Variants in PDE1C observed in about 807,000 individuals in gnomAD.
PDE1C encodes phosphodiesterase 1C.
PDE1C carries 62 observed loss-of-function variants against 93.1 expected under a neutral mutation model. The observed-to-expected ratio is 0.67, with a 90% CI of 0.54 to 0.82. The LOEUF is 0.82. PDE1C is among the 40% of genes least tolerant of loss of function. PDE1C has a pLI of 0.00. For missense variants in PDE1C, 742 were observed against 884.6 expected, an observed-to-expected ratio of 0.84 and a Z score of 2.04; for synonymous variants, 325 against 310.1, an observed-to-expected ratio of 1.05 and a Z score of -0.50.
chr7:32,310,816 G>C (rs1783010807), intron 1 of PDE1C, among the ~76,000 whole-genome samples: 1 of 151,932 alleles, frequency 6.6e-6, no homozygotes, highest in African/African-American at 2.4e-5. Flanking sequence ...ATCCAAAATT[G>C]ACACCCTAAC....
intron 11 of PDE1C, among the ~76,000 whole-genome samples, chr7:31,828,807 A>C (rs1790020506): frequency 6.6e-6 from 1 of 152,186 alleles, no homozygotes; most frequent in Non-Finnish European, 1.5e-5. Flanking sequence ...GGACTGATTC[A>C]GACTGATTCT....
At chr7:32,184,716 T>G (rs1437032137) in intron 2 of PDE1C, among the ~76,000 whole-genome samples, 1 of 152,170 alleles carries the variant, frequency 6.6e-6, no homozygotes, top group Non-Finnish European at 1.5e-5. Context: ...AGTTAATGGG[T>G]GCAGCACACC....
intron 1 of PDE1C, among the ~76,000 whole-genome samples, chr7:32,338,812 G>A (rs1443604906): frequency 6.6e-6 from 1 of 152,062 alleles, no homozygotes; most frequent in Non-Finnish European, 1.5e-5. Context: ...GACCATCCTG[G>A]CTAACACGGT....
the PDE1C span, among the ~76,000 whole-genome samples, chr7:31,680,805 C>T: frequency 2.0e-5 from 3 of 152,054 alleles, no homozygotes; most frequent in Admixed American, 6.6e-5. Context: ...ATAGGGCAAA[C>T]CCTAGAAGTC....
In PDE1C at chr7:32,313,305, G is replaced by A. The variant is rs187317183; in HGVS notation, c.311-103766C>T. Among the ~76,000 whole-genome samples the A allele has an allele frequency of 1.0e-3, 155 of 150,374 alleles. 3 individuals carry two copies. Among genetic ancestry groups the A allele is most frequent in the Non-Finnish European group, 4.5e-4 (30 of 67,358 alleles). Reference sequence around the variant, plus strand: ...ATAGGAACACTTTTACACTGTTGGTGGGACTGTAAACTAGTTCAACCATGT... The same window carrying A: ...ATAGGAACACTTTTACACTGTTGGTAGGACTGTAAACTAGTTCAACCATGT... On this transcript the variant is annotated intron_variant, in intron 1 of 1. Coordinates refer to the PDE1C transcript ENST00000672256.
intron 1 of PDE1C, among the ~76,000 whole-genome samples, chr7:32,335,028 TC>T (rs1783589976): frequency 6.6e-6 from 1 of 152,204 alleles, no homozygotes. Context: ...CACTGTTCTC[TC>T]CCGGCCACTT....
chr7:31,658,395 G>C, the PDE1C span: 1 of 1,489,154 alleles, frequency 6.7e-7, no homozygotes. Flanking sequence ...TGTTGTAATT[G>C]TTTTTCTTTG....
At chr7:32,132,237 G>A (rs62456262) in intron 3 of PDE1C, among the ~76,000 whole-genome samples, 30,694 of 152,046 alleles carry the variant, frequency 0.2, 3,752 homozygotes, top group Middle Eastern at 0.3. Context: ...AGCAGCAAAC[G>A]GGATCCAGGT....
At chr7:31,815,296 G>A (rs1286934608) in intron 15 of PDE1C, among the ~76,000 whole-genome samples, 1 of 152,018 alleles carries the variant, frequency 6.6e-6, no homozygotes, top group Non-Finnish European at 1.5e-5. Context: ...TAAATCCCTA[G>A]TGCTAAGCAT....
chr7:32,189,131 C>A (rs1346349597), intron 2 of PDE1C, among the ~76,000 whole-genome samples: 1 of 151,980 alleles, frequency 6.6e-6, no homozygotes, highest in South Asian at 2.1e-4. Context: ...TATAGTGAGA[C>A]CATCAATTCC....
At chr7:32,217,936 A>G (rs1460321281) in intron 1 of PDE1C, among the ~76,000 whole-genome samples, 1 of 152,230 alleles carries the variant, frequency 6.6e-6, no homozygotes. Flanking sequence ...TAAAATGCAC[A>G]TTAATTGCCT....
chr7:31,770,005 C>A (rs919893775), intron 17 of PDE1C, among the ~76,000 whole-genome samples: 3 of 152,170 alleles, frequency 2.0e-5, no homozygotes, highest in African/African-American at 7.2e-5. Flanking sequence ...AGTGGCTGCA[C>A]CATTTTACAT....
intron 1 of PDE1C, among the ~76,000 whole-genome samples, chr7:32,262,237 CTT>C (rs1449071959): frequency 6.6e-6 from 1 of 152,108 alleles, no homozygotes; most frequent in Non-Finnish European, 1.5e-5. Flanking sequence ...CCCACCTCCA[CTT>C]TATACCCAAT....
intron 1 of PDE1C, among the ~76,000 whole-genome samples, chr7:32,338,012 C>T (rs1045666424): frequency 1.3e-5 from 2 of 152,122 alleles, no homozygotes; most frequent in Non-Finnish European, 2.9e-5. Context: ...AAACTAAACA[C>T]TCATAGAAGA....
At chr7:31,876,367 C>T (rs1796588353) in intron 5 of PDE1C, among the ~76,000 whole-genome samples, 1 of 152,174 alleles carries the variant, frequency 6.6e-6, no homozygotes, top group African/African-American at 2.4e-5. Context: ...ATGTGTGCAT[C>T]TGAGATTTTC....
intron 1 of PDE1C, among the ~76,000 whole-genome samples, chr7:32,286,122 A>C (rs962226354): frequency 6.6e-6 from 1 of 152,240 alleles, no homozygotes; most frequent in Non-Finnish European, 1.5e-5. Context: ...ACACACTGTA[A>C]GAAACATTCT....
chr7:32,082,016 C>T (rs1375371220), intron 3 of PDE1C, among the ~76,000 whole-genome samples: 1 of 152,196 alleles, frequency 6.6e-6, no homozygotes, highest in South Asian at 2.1e-4. Flanking sequence ...GGGTGCAGGA[C>T]AGTGGGTGCA....
chr7:32,173,032 T>A (rs1802755909), intron 2 of PDE1C, among the ~76,000 whole-genome samples: 1 of 152,096 alleles, frequency 6.6e-6, no homozygotes, highest in South Asian at 2.1e-4. Context: ...GGAATATAAA[T>A]CATTCTACTA....
chr7:31,891,805 TACACACACAC>T (rs70989620), intron 2 of PDE1C, among the ~76,000 whole-genome samples: 65 of 146,138 alleles, frequency 4.4e-4, no homozygotes, highest in South Asian at 2.8e-3. Flanking sequence ...AATGCATTCA[TACACACACAC>T]ACACACACAC....
Sources: gnomAD v4.1 joint callset for allele counts (sites outside exome capture counted in the v4.1 genomes callset) on GRCh38, gnomAD v4.1.1 for gene constraint, MANE v1.5 for transcripts, NCBI Gene and HGNC (gene_info 2026-07-23, HGNC 2026-07-21) for gene names.